PXDNL: variants seen among roughly 807,000 people sequenced by gnomAD.
PXDNL encodes probable oxidoreductase PXDNL.
In PXDNL, 145 loss-of-function variants were observed where a neutral mutation model predicts 150.8. The ratio of observed to expected loss-of-function variants is 0.96; its 90% CI spans 0.84 to 1.10. The LOEUF is 1.10. Among genes scored for constraint, PXDNL ranks in the 50% least tolerant of loss-of-function variants. The pLI is 0.00. For missense variants in PXDNL, 2,087 were observed against 1,873.9 expected, an observed-to-expected ratio of 1.11 and a Z score of -2.10; for synonymous variants, 757 against 725.7, an observed-to-expected ratio of 1.04 and a Z score of -0.69.
At chr8:51,487,519 A>T (rs998230987) in intron 5 of PXDNL, among the ~76,000 whole-genome samples, 2 of 151,930 alleles carry the variant, frequency 1.3e-5, no homozygotes, top group African/African-American at 4.8e-5. Context: ...TTTTTAGCCA[A>T]AAAGTCCAAA....
At chr8:51,470,508 A>G (rs904639548) in intron 8 of PXDNL, among the ~76,000 whole-genome samples, 1 of 152,166 alleles carries the variant, frequency 6.6e-6, no homozygotes, top group Admixed American at 6.5e-5. Flanking sequence ...CATGAAAACC[A>G]TGGTAATTAT....
chr8:51,398,647 G>A (rs956891264), intron 17 of PXDNL, among the ~76,000 whole-genome samples: 1 of 152,184 alleles, frequency 6.6e-6, no homozygotes, highest in South Asian at 2.1e-4. Context: ...GCGGAGCTTA[G>A]GCAACATTCC....
intron 1 of PXDNL, among the ~76,000 whole-genome samples, chr8:51,697,431 AGT>A (rs1276694468): frequency 1.3e-5 from 2 of 152,180 alleles, no homozygotes; most frequent in Non-Finnish European, 2.9e-5. Flanking sequence ...AAGCATATAT[AGT>A]GTGACAGGTC....
intron 3 of PXDNL, among the ~76,000 whole-genome samples, chr8:51,584,481 T>A (rs1813280298): frequency 6.6e-6 from 1 of 152,206 alleles, no homozygotes; most frequent in Non-Finnish European, 1.5e-5. Flanking sequence ...ATTCCATATA[T>A]AAAACCTTAC....
At chr8:51,502,864 C>T (rs1036944797) in intron 4 of PXDNL, among the ~76,000 whole-genome samples, 1 of 152,108 alleles carries the variant, frequency 6.6e-6, no homozygotes, top group African/African-American at 2.4e-5. Flanking sequence ...ATCTTATATA[C>T]TGAGCCACCT....
intron 2 of PXDNL, among the ~76,000 whole-genome samples, chr8:51,628,211 C>G (rs909340269): frequency 6.6e-6 from 1 of 152,014 alleles, no homozygotes; most frequent in Non-Finnish European, 1.5e-5. Context: ...TGGCTGATCT[C>G]TTGGTTTAAC....
Position 51,596,312 on chromosome 8 carries a change from G to C in PXDNL, c.237-3614C>G, listed in dbSNP as rs1409627544. ...TCCAGTCTACCACTGATGAACACCT[G>C]TGTTGATTCCATGATTTTGCTATTA... is the stretch of plus-strand genomic sequence containing the variant. On this transcript the variant is annotated intron_variant, in intron 2 of 22. Transcript: ENST00000356297. Among the ~76,000 whole-genome samples, 5 of 152,278 alleles carry C rather than the reference G, an allele frequency of 3.3e-5. No individual in the cohort carries two copies. The East Asian group carries it at 5.8e-4, about 18-fold the overall frequency.
intron 1 of PXDNL, among the ~76,000 whole-genome samples, chr8:51,763,408 G>T (rs945189184): frequency 6.6e-6 from 1 of 151,646 alleles, no homozygotes; most frequent in African/African-American, 2.4e-5. Context: ...GCAAGCAAGC[G>T]CCAGACTCCA....
At chr8:51,673,880 A>G (rs1815553104) in intron 1 of PXDNL, among the ~76,000 whole-genome samples, 1 of 152,168 alleles carries the variant, frequency 6.6e-6, no homozygotes, top group Non-Finnish European at 1.5e-5. Flanking sequence ...CTTTTTTCAT[A>G]TGTAATTAAG....
chr8:51,775,677 C>G (rs1216066773), intron 1 of PXDNL, among the ~76,000 whole-genome samples: 2 of 152,170 alleles, frequency 1.3e-5, no homozygotes, highest in African/African-American at 4.8e-5. Context: ...TTTCCTATAC[C>G]TGTCTTTACT....
chr8:51,718,230 G>T (rs1816656795), intron 1 of PXDNL, among the ~76,000 whole-genome samples: 1 of 152,092 alleles, frequency 6.6e-6, no homozygotes, highest in African/African-American at 2.4e-5. Context: ...AGCCTCAGGG[G>T]TCTGGAAGGA....
At chr8:51,768,170 T>C (rs2129240450) in intron 1 of PXDNL, among the ~76,000 whole-genome samples, 1 of 152,344 alleles carries the variant, frequency 6.6e-6, no homozygotes. Context: ...TCAGTCACTT[T>C]GTATAAATGT....
At chr8:51,321,362 A>G in intron 21 of PXDNL, among the ~76,000 whole-genome samples, 1 of 152,214 alleles carries the variant, frequency 6.6e-6, no homozygotes, top group Non-Finnish European at 1.5e-5. Flanking sequence ...ACAATTTGGT[A>G]TAAAGGCCAA....
intron 5 of PXDNL, among the ~76,000 whole-genome samples, chr8:51,498,842 T>C (rs1056939216): frequency 1.3e-5 from 2 of 152,254 alleles, no homozygotes; most frequent in Non-Finnish European, 2.9e-5. Flanking sequence ...ACTATGCAAG[T>C]TTCAGCGTTT....
chr8:51,354,517 C>A (rs78533127), intron 19 of PXDNL, among the ~76,000 whole-genome samples: 1,680 of 152,146 alleles, frequency 0.011, 28 homozygotes, highest in African/African-American at 0.036. Flanking sequence ...ATTTGTAATT[C>A]ATTAGCATAA....
intron 1 of PXDNL, among the ~76,000 whole-genome samples, chr8:51,743,990 TGAGA>T (rs2036937651): frequency 4.8e-5 from 2 of 42,044 alleles, no homozygotes; most frequent in Non-Finnish European, 1.0e-4. Context: ...GGAAGGAAGG[TGAGA>T]GAGAAAGGAG....
chr8:51,411,266 C>A lies in PXDNL; in HGVS notation c.2046G>T (p.Val682=). The part of the protein sequence containing the change: ...IRERVKQGLT[V]DLEGKEFRYN... ...GTGGCTGACCTTTGCCTTCCAAGTC[C>A]ACAGTGAGCCCCTGCTTCACACGTT... Residue 682 remains valine, a synonymous_variant, in exon 16 of 23, where the codon GTG becomes GTT. Coordinates refer to ENST00000356297, the MANE Select transcript of PXDNL (RefSeq NM_144651.5). The A allele has an allele frequency of 1.3e-6, 2 of 1,489,258 alleles. No homozygotes were observed. The highest frequency in any genetic ancestry group is 2.5e-5 in the Admixed American group (1 of 39,522). The allele number at this position is 1,489,258 out of a possible 1,614,324, so 92.3% of individuals were successfully genotyped here. A position where few individuals can be genotyped will look rare whatever the true frequency, so the allele number is the denominator to read the frequency against.
intron 2 of PXDNL, among the ~76,000 whole-genome samples, chr8:51,611,690 G>A (rs1157959928): frequency 6.6e-6 from 1 of 151,956 alleles, no homozygotes; most frequent in Admixed American, 6.6e-5. Flanking sequence ...GCACTCTGGA[G>A]GAGGGGTGGG....
Position 51,352,232 on chromosome 8 carries a change from A to C in PXDNL, c.3902-6285T>G, listed in dbSNP as rs114281935. Reference sequence around the variant, plus strand: ...AACTACCATTTGATCCAGCAATCCCACTACTGGGTATTTACCAAAAGGAAA... The same window carrying C: ...AACTACCATTTGATCCAGCAATCCCCCTACTGGGTATTTACCAAAAGGAAA... On this transcript the variant is annotated intron_variant, in intron 19 of 22. Coordinates refer to ENST00000356297, the MANE Select transcript of PXDNL (RefSeq NM_144651.5). 3.5e-3 allele frequency among the ~76,000 whole-genome samples: 538 copies of C among 152,322 alleles called. 2 individuals are homozygous for C. Among genetic ancestry groups the C allele is most frequent in the African/African-American group, 0.012 (509 of 41,570 alleles).
Sources: gnomAD v4.1 joint callset for allele counts (sites outside exome capture counted in the v4.1 genomes callset) on GRCh38, gnomAD v4.1.1 for gene constraint, MANE v1.5 for transcripts, NCBI Gene and HGNC (gene_info 2026-07-23, HGNC 2026-07-21) for gene names.